The following DMTF1 variants were observed in gnomAD, a reference collection of about 807,000 sequenced individuals.
DMTF1 encodes the protein cyclin-D-binding Myb-like transcription factor 1.
Under a neutral mutation model 91.1 loss-of-function variants are expected in DMTF1, and 39 were observed. The ratio of observed to expected loss-of-function variants is 0.43; its 90% confidence interval spans 0.33 to 0.56. The LOEUF is 0.56. Ranked by LOEUF, DMTF1 falls within the 20% of genes least tolerant of loss-of-function variation. The pLI, the probability that DMTF1 is intolerant of heterozygous loss-of-function variation, is 0.05. For synonymous variants in DMTF1, 338 were observed against 309.5 expected (o/e 1.09, Z -0.97); for missense variants, 750 against 914.5 (o/e 0.82, Z 2.32).
rs979237981 is a variant in DMTF1, at chr7:87,152,467, C to T, written c.-220C>T. ...CGCGCTCGCTCACTCCAGCTGCAGC[C>T]ACTCTCGCCCGTGGCTGCTTCCTCC... On this transcript the variant is annotated 5_prime_UTR_variant, in exon 1 of 18. Transcript: ENST00000331242. 1 of 153,654 alleles carries T rather than the reference C, an allele frequency of 6.5e-6. No individual in the cohort carries two copies. The highest frequency in any genetic ancestry group is 2.4e-5 in the African/African-American group (1 of 41,490). The allele number at this position is 153,654 out of a possible 1,614,324, so 9.5% of individuals were successfully genotyped here.
At chr7:87,179,799 T>C in intron 8 of DMTF1, 97 bp downstream of exon 8, 1 of 1,112,410 alleles carries the variant, frequency 9.0e-7, no homozygotes, top group Non-Finnish European at 1.3e-6. Context: ...GGTCAAGGTA[T>C]TAATTGTTGT....
At position 87,188,127 on chromosome 7, in the gene DMTF1, C is replaced by CA; in HGVS notation, c.1244dup (p.Asn415LysfsTer9). On this transcript the variant is annotated frameshift_variant, in exon 13 of 18. Coordinates refer to ENST00000331242, the MANE Select transcript of DMTF1 (RefSeq NM_001142327.2). LOFTEE classifies it high-confidence loss of function. ...AGGTCTTAAACAGTTACATGAGAACCAAAAAAACAACCCAACGCTTTTGGA... is the reference window on the plus strand; with the variant it reads ...AGGTCTTAAACAGTTACATGAGAACCAAAAAAAACAACCCAACGCTTTTGGA... 1.2e-6 allele frequency: 2 copies of CA among 1,613,572 alleles called. No individual in the cohort carries two copies. Among genetic ancestry groups the CA allele is most frequent in the Non-Finnish European group, 1.7e-6 (2 of 1,179,788 alleles).
At chr7:87,162,749 C>T (rs748880231) in intron 1 of DMTF1, 63 of 151,150 alleles carry the variant, frequency 4.2e-4, no homozygotes, top group Non-Finnish European at 8.0e-4. Flanking sequence ...ATTAGAATGC[C>T]GCAAAAATTA....
At chr7:87,172,109 G>C (rs1298547806) in intron 5 of DMTF1, among the ~76,000 whole-genome samples, 2 of 152,154 alleles carry the variant, frequency 1.3e-5, no homozygotes, top group African/African-American at 4.8e-5. Flanking sequence ...GTTCTTAAAA[G>C]TGAGTATTGT....
chr7:87,156,273 T>A (rs1790694905), intron 1 of DMTF1, among the ~76,000 whole-genome samples: 1 of 152,178 alleles, frequency 6.6e-6, no homozygotes, highest in South Asian at 2.1e-4. Flanking sequence ...CACCTTAAAA[T>A]CCTTGCTATT....
At chr7:87,171,204 C>G (rs982579160) in intron 5 of DMTF1, 115 bp downstream of exon 5, 6 of 666,518 alleles carry the variant, frequency 9.0e-6, no homozygotes, top group South Asian at 2.1e-5. Context: ...GCACATGCCA[C>G]TGTGCCCAGG....
chr7:87,174,585 T>C lies in DMTF1; in HGVS notation c.443-8T>C. On this transcript the variant is annotated splice_polypyrimidine_tract_variant and splice_region_variant and intron_variant, in intron 6 of 17. Coordinates refer to ENST00000331242, the MANE Select transcript of DMTF1 (RefSeq NM_001142327.2). ...ATTTTTTATAACATTACTTGTTTTC[T>C]TTTAAAGGACATAAATGGAAGCAGG... 3 of 1,590,170 alleles carry C rather than the reference T, an allele frequency of 1.9e-6. No individual in the cohort carries two copies. Among genetic ancestry groups the C allele is most frequent in the Non-Finnish European group, 2.6e-6 (3 of 1,163,110 alleles).
intron 8 of DMTF1, among the ~76,000 whole-genome samples, chr7:87,180,620 A>G (rs1797125880): frequency 6.6e-6 from 1 of 152,048 alleles, no homozygotes; most frequent in Admixed American, 6.6e-5. Context: ...TTTTCTGTAG[A>G]TTTTCTTTTT....
intron 5 of DMTF1, among the ~76,000 whole-genome samples, chr7:87,172,893 TAAG>T (rs1795411105): frequency 6.6e-6 from 1 of 152,250 alleles, no homozygotes; most frequent in African/African-American, 2.4e-5. Flanking sequence ...TTAGCTGCAT[TAAG>T]AATAAGTAGT....
At chr7:87,160,629 T>G (rs938571537) in intron 1 of DMTF1, among the ~76,000 whole-genome samples, 1 of 152,148 alleles carries the variant, frequency 6.6e-6, no homozygotes, top group African/African-American at 2.4e-5. Context: ...CAGTAAGGCT[T>G]CTGCCTCTAC....
chr7:87,191,296 A>G (rs542452336), intron 14 of DMTF1, among the ~76,000 whole-genome samples: 3 of 152,148 alleles, frequency 2.0e-5, no homozygotes, highest in Non-Finnish European at 4.4e-5. Context: ...AAAAGTTCAT[A>G]TTGGTTATTT....
At chr7:87,179,128 T>C (rs915608102) in intron 7 of DMTF1, among the ~76,000 whole-genome samples, 3 of 152,062 alleles carry the variant, frequency 2.0e-5, no homozygotes, top group Non-Finnish European at 4.4e-5. Flanking sequence ...TTTTAAAATT[T>C]TGGCAGAACT....
chr7:87,194,660 T>TG, intron 16 of DMTF1, 24 bp from the exon 17 acceptor site: 9 of 1,538,180 alleles, frequency 5.9e-6, no homozygotes, highest in Non-Finnish European at 8.1e-6. Context: ...TATGAGTCAA[T>TG]ATTTTTTTTT....
intron 7 of DMTF1, among the ~76,000 whole-genome samples, chr7:87,178,367 A>G (rs1796677052): frequency 6.6e-6 from 1 of 152,032 alleles, no homozygotes; most frequent in South Asian, 2.1e-4. Flanking sequence ...CTACATATAT[A>G]TCGCAAGTGA....
chr7:87,155,841 C>G (rs1219524214), intron 1 of DMTF1, among the ~76,000 whole-genome samples: 1 of 140,684 alleles, frequency 7.1e-6, no homozygotes, highest in African/African-American at 2.6e-5. Flanking sequence ...TCATTATGAA[C>G]AGTTTAATTT....
intron 1 of DMTF1, among the ~76,000 whole-genome samples, chr7:87,159,951 GTCTT>G (rs928413736): frequency 2.5e-4 from 38 of 152,282 alleles, no homozygotes; most frequent in Admixed American, 2.0e-3. Flanking sequence ...TTACATGACT[GTCTT>G]TATTTTGCTC....
At chr7:87,175,939 T>A (rs144403574) in intron 7 of DMTF1, among the ~76,000 whole-genome samples, 394 of 152,310 alleles carry the variant, frequency 2.6e-3, no homozygotes, top group African/African-American at 8.7e-3. Flanking sequence ...GGTAAATCTG[T>A]ATTCTCAAGG....
chr7:87,187,907 G>T, intron 12 of DMTF1, 185 bp from the exon 13 acceptor site: 1 of 571,068 alleles, frequency 1.8e-6, no homozygotes, highest in Admixed American at 3.1e-5. Context: ...AATTTGTTAC[G>T]ATGTTTATAA....
Position 87,194,661 on chromosome 7 carries a change from A to G in DMTF1, c.2029-23A>G, listed in dbSNP as rs374476777. 1.1e-3 allele frequency: 1,470 copies of G among 1,355,714 alleles called. 1 individual carries two copies. Among genetic ancestry groups the G allele is most frequent in the Non-Finnish European group, 1.4e-3 (1,397 of 983,606 alleles). The allele number at this position is 1,355,714 out of a possible 1,614,324, so 84.0% of individuals were successfully genotyped here. ...AAGACTAGTAAGAATATGAGTCAAT[A>G]TTTTTTTTTTAATGTTATTTAGGGT... On this transcript the variant is annotated intron_variant, in intron 16 of 17. Coordinates refer to ENST00000331242, the MANE Select transcript of DMTF1 (RefSeq NM_001142327.2).
Sources: gnomAD v4.1 joint callset for allele counts (sites outside exome capture counted in the v4.1 genomes callset) on GRCh38, gnomAD v4.1.1 for gene constraint, MANE v1.5 for transcripts, NCBI Gene and HGNC (gene_info 2026-07-23, HGNC 2026-07-21) for gene names.